The following COL21A1 variants were observed in gnomAD, a reference collection of about 807,000 sequenced individuals.
COL21A1 encodes collagen type XXI alpha 1 chain.
Under a neutral mutation model 137.9 loss-of-function variants are expected in COL21A1, and 149 were observed. That is an observed-to-expected ratio of 1.08 (90% CI 0.95 to 1.24). The LOEUF (loss-of-function observed/expected upper bound fraction) is 1.24. Among genes scored for constraint, COL21A1 ranks in the 50% most tolerant of loss-of-function variants. The pLI, the probability that COL21A1 is intolerant of heterozygous loss-of-function variation, is 0.00. For synonymous variants in COL21A1, 456 were observed against 391.5 expected (o/e 1.16, Z -1.95); for missense variants, 1,167 against 1,158.4 (o/e 1.01, Z -0.11).
intron 1 of COL21A1, among the ~76,000 whole-genome samples, chr6:56,280,579 T>C (rs994602933): frequency 2.6e-5 from 4 of 152,142 alleles, no homozygotes; most frequent in Admixed American, 2.0e-4. Context: ...TCTGAGCATA[T>C]AAGAAAGGAA....
In COL21A1 at chr6:56,131,805, G is replaced by T. The variant is rs146387314; in HGVS notation, c.1543-5656C>A. Among the ~76,000 whole-genome samples, 9 of 152,214 alleles carry T rather than the reference G, an allele frequency of 5.9e-5. No homozygotes were observed. In the East Asian group the frequency reaches 1.7e-3, roughly 29 times the overall value. On this transcript the variant is annotated intron_variant, in intron 12 of 29. Coordinates refer to ENST00000244728, the MANE Select transcript of COL21A1 (RefSeq NM_030820.4). Reference sequence around the variant, plus strand: ...ATACATATACTATATGCTGTTGAGAGAGTTATTATATAATACCACAGGAAC... The same window carrying T: ...ATACATATACTATATGCTGTTGAGATAGTTATTATATAATACCACAGGAAC...
rs536160926 is a variant in COL21A1, at chr6:56,058,039, G to C, written c.2687-195C>G. 3.4e-4 allele frequency among the ~76,000 whole-genome samples: 51 copies of C among 152,014 alleles called. No homozygotes were observed. In the East Asian group the frequency reaches 7.9e-3, roughly 24 times the overall value. ...TGAAAAGAACCATCCAAAAGTTAAAGTTATCAGTAATTTTTGAAAACTAGG... is the reference window on the plus strand; with the variant it reads ...TGAAAAGAACCATCCAAAAGTTAAACTTATCAGTAATTTTTGAAAACTAGG... On this transcript the variant is annotated intron_variant, in intron 29 of 29. Coordinates refer to ENST00000244728, the MANE Select transcript of COL21A1 (RefSeq NM_030820.4).
intron 16 of COL21A1, among the ~76,000 whole-genome samples, chr6:56,108,884 T>C (rs1211980069): frequency 6.6e-6 from 1 of 151,782 alleles, no homozygotes; most frequent in Non-Finnish European, 1.5e-5. Flanking sequence ...TATACAAACA[T>C]TCTCTGATAC....
At chr6:56,220,457 T>C (rs1254605628) in intron 1 of COL21A1, among the ~76,000 whole-genome samples, 1 of 152,206 alleles carries the variant, frequency 6.6e-6, no homozygotes, top group African/African-American at 2.4e-5. Flanking sequence ...TCTATGCTTA[T>C]TTGGTGTCAT....
chr6:56,092,141 C>A (rs1348849869), intron 17 of COL21A1, among the ~76,000 whole-genome samples: 1 of 151,720 alleles, frequency 6.6e-6, no homozygotes, highest in Non-Finnish European at 1.5e-5. Flanking sequence ...AAATCTAGGC[C>A]TCAATTGTTG....
chr6:56,295,950 T>C (rs570380771), intron 1 of COL21A1, among the ~76,000 whole-genome samples: 1 of 151,954 alleles, frequency 6.6e-6, no homozygotes, highest in African/African-American at 2.4e-5. Flanking sequence ...TTACATTATC[T>C]AGGACTTACA....
chr6:56,076,716 G>A (rs1476258061), intron 18 of COL21A1, among the ~76,000 whole-genome samples: 1 of 151,352 alleles, frequency 6.6e-6, no homozygotes, highest in African/African-American at 2.4e-5. Context: ...TGGAAATATG[G>A]TAGGTAATGC....
At chr6:56,288,955 A>T (rs1157034591) in intron 1 of COL21A1, among the ~76,000 whole-genome samples, 1 of 152,236 alleles carries the variant, frequency 6.6e-6, no homozygotes, top group East Asian at 1.9e-4. Context: ...TTAAAGGGTT[A>T]TCACTTTATA....
intron 1 of COL21A1, among the ~76,000 whole-genome samples, chr6:56,199,072 A>G (rs1561975586): frequency 6.6e-6 from 1 of 152,086 alleles, no homozygotes; most frequent in East Asian, 1.9e-4. Flanking sequence ...CCACAGAGAC[A>G]GAGGTACAGT....
At chr6:56,087,415 A>G (rs1220768871) in intron 17 of COL21A1, among the ~76,000 whole-genome samples, 1 of 152,126 alleles carries the variant, frequency 6.6e-6, no homozygotes, top group Non-Finnish European at 1.5e-5. Flanking sequence ...GGGCAAGTAG[A>G]CCATTCAGAT....
chr6:56,222,600 C>T (rs547006794), intron 1 of COL21A1, among the ~76,000 whole-genome samples: 1 of 151,994 alleles, frequency 6.6e-6, no homozygotes, highest in Non-Finnish European at 1.5e-5. Context: ...CATTAGAAGA[C>T]AAATCATTCA....
chr6:56,124,425 G>T, intron 14 of COL21A1, 133 bp from the exon 15 acceptor site: 1 of 802,472 alleles, frequency 1.2e-6, no homozygotes, highest in South Asian at 1.7e-5. Context: ...AACTCATGTT[G>T]ACTCTGCAAA....
chr6:56,058,399 A>T (rs1361135913), intron 29 of COL21A1, among the ~76,000 whole-genome samples: 3 of 152,190 alleles, frequency 2.0e-5, no homozygotes, highest in Admixed American at 6.5e-5. Flanking sequence ...TTCAATTAGC[A>T]TGCTCAAGGA....
intron 1 of COL21A1, among the ~76,000 whole-genome samples, chr6:56,306,427 T>C (rs1345694667): frequency 1.3e-5 from 2 of 152,174 alleles, no homozygotes; most frequent in Non-Finnish European, 2.9e-5. Flanking sequence ...GCTTTATTCA[T>C]TTCTTCTTAT....
At chr6:56,262,632 TATACTA>T (rs1763305211) in intron 1 of COL21A1, among the ~76,000 whole-genome samples, 2 of 152,258 alleles carry the variant, frequency 1.3e-5, no homozygotes, top group Middle Eastern at 6.8e-3. Context: ...GAATATAAAA[TATACTA>T]GTATATTTTA....
chr6:56,152,226 A>C (rs886671837), intron 10 of COL21A1, among the ~76,000 whole-genome samples: 14 of 152,124 alleles, frequency 9.2e-5, no homozygotes, highest in African/African-American at 3.1e-4. Flanking sequence ...CGATTACCTC[A>C]CTGTGCTCTC....
At position 56,057,585 on chromosome 6, in the gene COL21A1, G is replaced by T; in HGVS notation, c.*72C>A. 7.1e-7 allele frequency: 1 copy of T among 1,415,926 alleles called. No individual in the cohort carries two copies. The highest frequency in any genetic ancestry group is 9.9e-7 in the Non-Finnish European group (1 of 1,011,066). The allele number at this position is 1,415,926 out of a possible 1,614,324, so 87.7% of individuals were successfully genotyped here. On this transcript the variant is annotated 3_prime_UTR_variant, in exon 30 of 30. Coordinates refer to ENST00000244728, the MANE Select transcript of COL21A1 (RefSeq NM_030820.4). ...AGTTTCTTTTCAAGGGATTACTGTTGGTTATCTTCCTGAGATGCAAAAGAC... is the reference window on the plus strand; with the variant it reads ...AGTTTCTTTTCAAGGGATTACTGTTTGTTATCTTCCTGAGATGCAAAAGAC...
In COL21A1 at chr6:56,124,630, T is replaced by TG. The variant is rs1554140095; in HGVS notation, c.1651-339_1651-338insC. ...AACATCAAATTTCAGTGGACATGTT[T>TG]TTTGTTTGTTTGTTTGTTTGTTTGT... is the stretch of plus-strand genomic sequence containing the variant. On this transcript the variant is annotated intron_variant, in intron 14 of 29. Transcript: ENST00000244728. Among the ~76,000 whole-genome samples, 692 of 150,680 alleles carry TG rather than the reference T, an allele frequency of 4.6e-3. 1 individual carries two copies. The highest frequency in any genetic ancestry group is 9.3e-3 in the African/African-American group (382 of 40,976).
intron 1 of COL21A1, among the ~76,000 whole-genome samples, chr6:56,292,406 C>T (rs959391593): frequency 6.9e-6 from 1 of 145,076 alleles, no homozygotes; most frequent in Non-Finnish European, 1.5e-5. Flanking sequence ...CCCCCTCCCC[C>T]GCCAAAGAGA....
Sources: gnomAD v4.1 joint callset for allele counts (sites outside exome capture counted in the v4.1 genomes callset) on GRCh38, gnomAD v4.1.1 for gene constraint, MANE v1.5 for transcripts, NCBI Gene and HGNC (gene_info 2026-07-23, HGNC 2026-07-21) for gene names.